RASA3: variants seen among roughly 807,000 people sequenced by gnomAD.
RASA3 encodes RAS p21 protein activator 3, also known as ras GTPase-activating protein 3.
Under a neutral mutation model 110.0 loss-of-function variants are expected in RASA3, and 73 were observed. The observed-to-expected ratio is 0.66, with a 90% CI of 0.55 to 0.81. RASA3 has a LOEUF of 0.81. Ranked by LOEUF, RASA3 falls within the 30% of genes least tolerant of loss-of-function variation. RASA3 has a pLI of 0.00. For synonymous variants in RASA3, 500 were observed against 451.4 expected (o/e 1.11, Z -1.37); for missense variants, 976 against 1,113.2 (o/e 0.88, Z 1.75).
Position 113,983,460 on chromosome 13 carries a change from T to C in RASA3, c.2246-1602A>G, listed in dbSNP as rs1419457623. Among the ~76,000 whole-genome samples, 2 of 118,022 alleles carry C rather than the reference T, an allele frequency of 1.7e-5. 1 individual carries two copies. Among genetic ancestry groups the C allele is most frequent in the Non-Finnish European group, 3.9e-5 (2 of 51,304 alleles). The allele number at this position is 118,022 out of a possible 152,430, so 77.4% of individuals were successfully genotyped here. A position where few individuals can be genotyped will look rare whatever the true frequency, so the allele number is the denominator to read the frequency against. On this transcript the variant is annotated intron_variant, in intron 22 of 23. Transcript: ENST00000334062. ...TTCCTCCTGACCGCTGACAGCAAAA[T>C]GTGGGGAGAGAGATGATTTGAAGGT...
At position 114,053,289 on chromosome 13, in the gene RASA3, A is replaced by G. The variant is rs544917235; in HGVS notation, c.174-1134T>C. Reference sequence around the variant, plus strand: ...CCGCCCCACAGAGGAGACTTGAAATAACCACAACCCCAATAAAGAAGCAGA... The same window carrying G: ...CCGCCCCACAGAGGAGACTTGAAATGACCACAACCCCAATAAAGAAGCAGA... On this transcript the variant is annotated intron_variant, in intron 2 of 23. Transcript: ENST00000334062. 7.2e-5 allele frequency among the ~76,000 whole-genome samples: 11 copies of G among 152,326 alleles called. No homozygotes were observed. The South Asian group carries it at 2.3e-3, about 32-fold the overall frequency.
In RASA3 at chr13:114,030,113, G is replaced by A. The variant is rs181735257; in HGVS notation, c.373-226C>T. Among the ~76,000 whole-genome samples the A allele has an allele frequency of 1.7e-3, 265 of 152,370 alleles. 7 individuals are homozygous for A. The East Asian group carries it at 0.037, about 21-fold the overall frequency. On this transcript the variant is annotated intron_variant, in intron 4 of 23. Coordinates refer to ENST00000334062, the MANE Select transcript of RASA3 (RefSeq NM_007368.4). ...CCTGACTGCTCAGCCCCATGTGGCT[G>A]CCCAGGCTCCTGGCTCTGCTGAGAG...
intron 1 of RASA3, among the ~76,000 whole-genome samples, chr13:114,080,123 G>A (rs2079759240): frequency 6.6e-6 from 1 of 152,226 alleles, no homozygotes; most frequent in South Asian, 2.1e-4. Flanking sequence ...CTCAGGAGGG[G>A]CAGAGGCCGC....
chr13:114,027,314 T>C, intron 7 of RASA3, 75 bp downstream of exon 7: 2 of 1,257,842 alleles, frequency 1.6e-6, no homozygotes, highest in Non-Finnish European at 2.3e-6. Context: ...CTGAGATCAT[T>C]CTGGATCCAG....
rs2079620404 is a variant in RASA3, at chr13:114,073,812, G to T, written c.81C>A (p.Tyr27Ter). 1 of 1,614,192 alleles carries T rather than the reference G, an allele frequency of 6.2e-7. No individual in the cohort carries two copies. Among genetic ancestry groups the T allele is most frequent in the Non-Finnish European group, 8.5e-7 (1 of 1,180,026 alleles). The change falls in exon 2 of 24, where the codon TAC (tyrosine) becomes TAA (stop). Residue 27 changes from tyrosine to a stop codon, truncating the protein, a stop_gained. Transcript: ENST00000334062. LOFTEE classifies it high-confidence loss of function. ...AATCCCTCATCTTGCTCGGCCCCGG[G>T]TAAGAGGGAAGGTTTTTGGCTTCAC... ...KIGEAKNLPS[Y>*]PGPSKMRDCY...
chr13:114,012,597 TCATTCCACGCACACTCCC>T (rs2053660262), intron 15 of RASA3, among the ~76,000 whole-genome samples: 1 of 99,188 alleles, frequency 1.0e-5, no homozygotes. Context: ...CACACACTCC[TCATTCCACGCACACTCCC>T]CACTCACTCC....
chr13:114,083,433 C>T (rs2079813094), intron 1 of RASA3, among the ~76,000 whole-genome samples: 1 of 152,254 alleles, frequency 6.6e-6, no homozygotes, highest in African/African-American at 2.4e-5. Flanking sequence ...CGTTCAGAGG[C>T]ACCCACACCT....
intron 4 of RASA3, among the ~76,000 whole-genome samples, chr13:114,034,897 G>A (rs746761800): frequency 6.6e-6 from 1 of 152,072 alleles, no homozygotes; most frequent in African/African-American, 2.4e-5. Context: ...TCTGAACGCT[G>A]ACCTGAGCTT....
Position 114,003,240 on chromosome 13 carries a change from C to T in RASA3, c.1743-2308G>A, listed in dbSNP as rs76963866. ...GATGGACCAAAACCTTGGTGTGAGT[C>T]GCAGGTGGTGCAGCTGCTGGAAGGA... On this transcript the variant is annotated intron_variant, in intron 18 of 23. Coordinates refer to ENST00000334062, the MANE Select transcript of RASA3 (RefSeq NM_007368.4). Among the ~76,000 whole-genome samples, 1,312 of 152,286 alleles carry T rather than the reference C, an allele frequency of 8.6e-3. 23 individuals carry two copies. The highest frequency in any genetic ancestry group is 0.03 in the African/African-American group (1,235 of 41,550).
rs542031188 is a variant in RASA3 at position 113,995,556 on chromosome 13, G to A, written c.2141+975C>T. On this transcript the variant is annotated intron_variant, in intron 21 of 23. Coordinates refer to ENST00000334062, the MANE Select transcript of RASA3 (RefSeq NM_007368.4). ...GCACCCAGGCCTCCTCCTTAGGACC[G>A]GCAGATATGACCCAAGCCTCTGTGC... 3.9e-5 allele frequency among the ~76,000 whole-genome samples: 6 copies of A among 152,344 alleles called. No homozygotes were observed. In the South Asian group the frequency reaches 6.2e-4, roughly 16 times the overall value.
At chr13:114,098,270 C>G (rs117694311) in intron 1 of RASA3, among the ~76,000 whole-genome samples, 9,013 of 152,294 alleles carry the variant, frequency 0.059, 308 homozygotes, top group Middle Eastern at 0.13. Context: ...AGGCCATGCC[C>G]TCTACCCTGG....
intron 2 of RASA3, among the ~76,000 whole-genome samples, chr13:114,060,499 G>A (rs370261164): frequency 2.0e-5 from 3 of 152,204 alleles, no homozygotes; most frequent in East Asian, 1.9e-4. Flanking sequence ...GAGAGGCCAC[G>A]GTGCCGAGCA....
At chr13:114,023,321 A>G (rs554317265) in intron 8 of RASA3, among the ~76,000 whole-genome samples, 5 of 151,872 alleles carry the variant, frequency 3.3e-5, no homozygotes, top group Admixed American at 6.5e-5. Flanking sequence ...CTCAGGGAAC[A>G]TCCCAGGCTC....
intron 2 of RASA3, among the ~76,000 whole-genome samples, chr13:114,069,507 AG>A (rs1310676704): frequency 2.3e-5 from 1 of 42,728 alleles, no homozygotes; most frequent in Non-Finnish European, 4.4e-5. Flanking sequence ...CAGGAGACTC[AG>A]GGGGCCAGGA....
chr13:114,125,563 A>G (rs890723138), intron 1 of RASA3, among the ~76,000 whole-genome samples: 50 of 152,178 alleles, frequency 3.3e-4, no homozygotes, highest in Non-Finnish European at 6.6e-4. Context: ...GTCGCTTCCC[A>G]CCAGGCCCCA....
intron 1 of RASA3, among the ~76,000 whole-genome samples, chr13:114,124,672 G>A (rs979848362): frequency 2.0e-5 from 3 of 152,252 alleles, no homozygotes; most frequent in African/African-American, 4.8e-5. Context: ...TCAGGGGCCA[G>A]CCACAACTCA....
At chr13:114,119,420 G>C (rs984280609) in intron 1 of RASA3, among the ~76,000 whole-genome samples, 3 of 152,128 alleles carry the variant, frequency 2.0e-5, no homozygotes, top group Admixed American at 6.5e-5. Flanking sequence ...GGAGACAACT[G>C]CTCACGCCTC....
intron 1 of RASA3, among the ~76,000 whole-genome samples, chr13:114,100,584 G>A (rs1194948043): frequency 6.6e-6 from 1 of 152,250 alleles, no homozygotes; most frequent in East Asian, 1.9e-4. Context: ...GACAAGTGCA[G>A]CAGCCGGCCC....
intron 1 of RASA3, chr13:114,107,627 T>A (rs1479423506): frequency 6.6e-6 from 1 of 152,202 alleles, no homozygotes; most frequent in African/African-American, 2.4e-5. Context: ...AAGATTCCTG[T>A]GGAAGCGACT....
Sources: allele counts gnomAD v4.1 joint callset (sites outside exome capture counted in the v4.1 genomes callset), GRCh38; gene constraint gnomAD v4.1.1; transcripts MANE v1.5; gene names NCBI Gene and HGNC (gene_info 2026-07-23, HGNC 2026-07-21).